ZNF483: variants seen among roughly 807,000 people sequenced by gnomAD.
The protein encoded by ZNF483 is zinc finger protein HIT-10.
Under a neutral mutation model 28.6 loss-of-function variants are expected in ZNF483, and 9 were observed. The ratio of observed to expected loss-of-function variants is 0.32; its 90% CI spans 0.19 to 0.55. The LOEUF is 0.55. Among genes scored for constraint, ZNF483 ranks in the 20% least tolerant of loss-of-function variants. The probability of loss-of-function intolerance (pLI) is 0.93; values close to 1 mark genes in which losing one functional copy is unlikely to be tolerated. For missense variants in ZNF483, 675 were observed against 871.7 expected (o/e 0.77, Z 2.84); for synonymous variants, 322 against 306.2 (o/e 1.05, Z -0.54).
downstream of ZNF483, among the ~76,000 whole-genome samples, chr9:111,558,483 G>C (rs778007278): frequency 1.3e-5 from 2 of 152,132 alleles, no homozygotes; most frequent in Non-Finnish European, 2.9e-5. Flanking sequence ...TTTGAAGTCA[G>C]CCTGGACAAC....
chr9:111,576,835 A>T (rs1829079145), exon 6 of ZNF483: 1 of 154,716 alleles, frequency 6.5e-6, no homozygotes, highest in South Asian at 2.0e-4. Flanking sequence ...TCATGCCTAT[A>T]ATCCCAGCAC....
At chr9:111,528,498 G>T (rs1212778367) in intron 2 of ZNF483, among the ~76,000 whole-genome samples, 1 of 152,012 alleles carries the variant, frequency 6.6e-6, no homozygotes, top group Non-Finnish European at 1.5e-5. Context: ...AGTCTTCTAG[G>T]GTGAGTAGTC....
At position 111,543,659 on chromosome 9, in the gene ZNF483, A is replaced by C; in HGVS notation, c.*489A>C. On this transcript the variant is annotated 3_prime_UTR_variant, in exon 6 of 6. Transcript: ENST00000309235. ...TTTAGTTTTTTATTGGTATCCTGATAATCTCTGAAGCTGTGGACATAAGTT... is the reference window on the plus strand; with the variant it reads ...TTTAGTTTTTTATTGGTATCCTGATCATCTCTGAAGCTGTGGACATAAGTT... The C allele has an allele frequency of 1.0e-6, 1 of 983,272 alleles. No homozygotes were observed. 60.9% of individuals were successfully genotyped at this position (983,272 alleles called of 1,614,324 possible). A position where few individuals can be genotyped will look rare whatever the true frequency, so the allele number is the denominator to read the frequency against.
Position 111,554,866 on chromosome 9 carries a change from T to A in ZNF483, c.*11696T>A, listed in dbSNP as rs1828075887. The stretch of plus-strand genomic sequence containing the variant: ...TCCAAAGTCTAATCTGCTCAGGGTC[T>A]ACAACTGAAGTCCAGGGTCTTTGAG... On this transcript the variant is annotated 3_prime_UTR_variant, in exon 6 of 6. Transcript: ENST00000309235. 6.6e-6 allele frequency among the ~76,000 whole-genome samples: 1 copy of A among 152,228 alleles called. No individual in the cohort carries two copies. Among genetic ancestry groups the A allele is most frequent in the East Asian group, 1.9e-4 (1 of 5,198 alleles).
At chr9:111,561,148 G>GGAGAGAGAGAGAGAGA (rs527553902) in intron 5 of ZNF483, among the ~76,000 whole-genome samples, 2 of 34,840 alleles carry the variant, frequency 5.7e-5, no homozygotes, top group Admixed American at 3.4e-4. Context: ...GGAGAGAGAG[G>GGAGAGAGAGAGAGAGA]GAGAGAGAGA....
chr9:111,529,148 A>AAAG lies in ZNF483; in HGVS notation c.412+1341_412+1342insAAG, dbSNP rs34544684. Among the ~76,000 whole-genome samples, 520 of 149,512 alleles carry AAAG rather than the reference A, an allele frequency of 3.5e-3. 4 individuals are homozygous for AAAG. Among genetic ancestry groups the AAAG allele is most frequent in the Non-Finnish European group, 4.7e-3 (318 of 67,208 alleles). ...GCGAAACTCCGTCTCAAAAAAAAAA[A>AAAG]GATTGATTTCTAGGATTCTGTAGGG... is the stretch of plus-strand genomic sequence containing the variant. On this transcript the variant is annotated intron_variant, in intron 2 of 5. Coordinates refer to ENST00000309235, the MANE Select transcript of ZNF483 (RefSeq NM_133464.5).
At position 111,543,093 on chromosome 9, in the gene ZNF483, G is replaced by T. The variant is rs763840516; in HGVS notation, c.2158G>T (p.Glu720Ter). 1 of 1,614,048 alleles carries T rather than the reference G, an allele frequency of 6.2e-7. No individual in the cohort carries two copies. Among genetic ancestry groups the T allele is most frequent in the Non-Finnish European group, 8.5e-7 (1 of 1,179,994 alleles). Residue 720 changes from glutamate to a stop codon, truncating the protein, a stop_gained, in exon 6 of 6, where the codon GAA becomes TAA. Transcript: ENST00000309235. LOFTEE classifies it low-confidence loss of function (END_TRUNC). ...AATTCATACCGGAAGGAGAGAATAT[G>T]AATGTAACGAATGTGAGAAGACATT... is the stretch of plus-strand genomic sequence containing the variant. ...LKIHTGRREY[E>*]CNECEKTFKS... is the part of the protein sequence containing the mutation.
intron 5 of ZNF483, chr9:111,570,356 G>A (rs1353957112): frequency 1.6e-5 from 22 of 1,348,482 alleles, no homozygotes; most frequent in Non-Finnish European, 1.8e-5. Flanking sequence ...TCTGATCCAC[G>A]GGACTGCTGG....
Position 111,573,224 on chromosome 9 carries a change from T to A in ZNF483, c.722-3141T>A, listed in dbSNP as rs72748045. On this transcript the variant is annotated intron_variant, in intron 5 of 5. Coordinates refer to the ZNF483 transcript ENST00000358151. The stretch of plus-strand genomic sequence containing the variant: ...AAAGGCCTCCTGCAGCTTTGCTCAG[T>A]TGGCAGGCAGACAATTTCCCATGAT... Among the ~76,000 whole-genome samples the A allele has an allele frequency of 7.3e-3, 1,115 of 152,294 alleles. 8 individuals are homozygous for A. Among genetic ancestry groups the A allele is most frequent in the Non-Finnish European group, 0.012 (828 of 68,022 alleles).
At chr9:111,530,758 TATATATATA>T (rs1382146408) in intron 2 of ZNF483, 108 bp from the exon 3 acceptor site, 1 of 6,232 alleles carries the variant, frequency 1.6e-4, no homozygotes, top group Non-Finnish European at 2.9e-4. Flanking sequence ...CACTTAGAAA[TATATATATA>T]TATATATATA....
At chr9:111,530,634 A>G (rs1237854057) in intron 2 of ZNF483, among the ~76,000 whole-genome samples, 1 of 150,512 alleles carries the variant, frequency 6.6e-6, no homozygotes, top group Non-Finnish European at 1.5e-5. Context: ...GGGGAGTCCA[A>G]CACAGAACTG....
chr9:111,537,685 G>A (rs1827551537), intron 5 of ZNF483, among the ~76,000 whole-genome samples: 1 of 152,066 alleles, frequency 6.6e-6, no homozygotes, highest in African/African-American at 2.4e-5. Context: ...AGGGTGCAGT[G>A]GCATGATCAC....
chr9:111,532,848 G>A (rs1401133606), intron 3 of ZNF483, among the ~76,000 whole-genome samples: 1 of 151,736 alleles, frequency 6.6e-6, no homozygotes, highest in African/African-American at 2.4e-5. Context: ...GGTGGAGGTT[G>A]CAGTGAGCCG....
At chr9:111,574,874 A>G (rs751369491) in intron 5 of ZNF483, 9 of 1,484,154 alleles carry the variant, frequency 6.1e-6, no homozygotes, top group Non-Finnish European at 1.9e-6. Flanking sequence ...AATGTTAAAT[A>G]ATCTAAATAC....
intron 5 of ZNF483, among the ~76,000 whole-genome samples, chr9:111,540,184 AT>A (rs1184044711): frequency 2.0e-5 from 3 of 152,182 alleles, no homozygotes. Flanking sequence ...AAAATGGGAA[AT>A]AATCATAAAA....
rs1352164453 is a variant in ZNF483, at chr9:111,543,448, TTTC to T, written c.*283_*285del. The stretch of plus-strand genomic sequence containing the variant: ...TTTTCTTCAGGGGATTTCTCTCTGA[TTTC>T]TTCTACTACCATGTAGTGTGATGGA... On this transcript the variant is annotated 3_prime_UTR_variant, in exon 6 of 6. Transcript: ENST00000309235. 5 of 1,170,132 alleles carry T rather than the reference TTTC, an allele frequency of 4.3e-6. No individual in the cohort carries two copies. In the African/African-American group the frequency reaches 6.4e-5, roughly 15 times the overall value. 72.5% of individuals were successfully genotyped at this position (1,170,132 alleles called of 1,614,324 possible). A position where few individuals can be genotyped will look rare whatever the true frequency, so the allele number is the denominator to read the frequency against.
At chr9:111,574,627 A>T in intron 5 of ZNF483, 2 of 721,950 alleles carry the variant, frequency 2.8e-6, no homozygotes, top group Non-Finnish European at 4.4e-6. Context: ...AAAAGAATAT[A>T]TGAAAATCTT....
At chr9:111,573,265 G>A (rs1556027) in intron 5 of ZNF483, among the ~76,000 whole-genome samples, 3,724 of 151,968 alleles carry the variant, frequency 0.025, 76 homozygotes, top group Admixed American at 0.046. Context: ...CTTAGCACCA[G>A]TTAGAAAATT....
rs567043675 is a variant in ZNF483 at position 111,555,153 on chromosome 9, A to G, written c.*11983A>G. Among the ~76,000 whole-genome samples, 3 of 152,096 alleles carry G rather than the reference A, an allele frequency of 2.0e-5. No individual in the cohort carries two copies. Among genetic ancestry groups the G allele is most frequent in the Non-Finnish European group, 4.4e-5 (3 of 68,026 alleles). On this transcript the variant is annotated 3_prime_UTR_variant, in exon 6 of 6. Coordinates refer to ENST00000309235, the MANE Select transcript of ZNF483 (RefSeq NM_133464.5). Reference sequence around the variant, plus strand: ...CTTAGTATCCTGTTTTTAGTCTTCTATCTTATTTCCATCCTCCTCCAGGCC... The same window carrying G: ...CTTAGTATCCTGTTTTTAGTCTTCTGTCTTATTTCCATCCTCCTCCAGGCC...
Sources: allele counts gnomAD v4.1 joint callset (sites outside exome capture counted in the v4.1 genomes callset), GRCh38; gene constraint gnomAD v4.1.1; transcripts MANE v1.5; gene names NCBI Gene and HGNC (gene_info 2026-07-23, HGNC 2026-07-21).